Variants in KATNAL1 observed in about 807,000 individuals in gnomAD.
The protein encoded by KATNAL1 is katanin catalytic subunit A1 like 1.
Under a neutral mutation model 55.2 loss-of-function variants are expected in KATNAL1, and 32 were observed. The ratio of observed to expected loss-of-function variants is 0.58; its 90% confidence interval spans 0.44 to 0.78. The LOEUF is 0.78. Among genes scored for constraint, KATNAL1 ranks in the 30% least tolerant of loss-of-function variants. The pLI is 0.00. For synonymous variants in KATNAL1, 193 were observed against 193.6 expected (o/e 1.00, Z 0.02); for missense variants, 466 against 600.9 (o/e 0.78, Z 2.35).
intron 4 of KATNAL1, among the ~76,000 whole-genome samples, chr13:30,248,579 C>A (rs1463349171): frequency 6.6e-6 from 1 of 152,234 alleles, no homozygotes; most frequent in Non-Finnish European, 1.5e-5. Flanking sequence ...TAAATACACA[C>A]CACATGGCAA....
intron 9 of KATNAL1, among the ~76,000 whole-genome samples, chr13:30,223,258 T>G (rs1875080545): frequency 6.6e-6 from 1 of 150,594 alleles, no homozygotes; most frequent in Admixed American, 6.6e-5. Context: ...GCTAACACGG[T>G]GAAACTCCGT....
At chr13:30,268,559 G>C (rs1300567746) in intron 3 of KATNAL1, among the ~76,000 whole-genome samples, 1 of 151,910 alleles carries the variant, frequency 6.6e-6, no homozygotes, top group Non-Finnish European at 1.5e-5. Context: ...ACAACAAACA[G>C]ACTAATAACA....
intron 4 of KATNAL1, among the ~76,000 whole-genome samples, chr13:30,247,481 C>T (rs1877904816): frequency 6.6e-6 from 1 of 152,186 alleles, no homozygotes; most frequent in Non-Finnish European, 1.5e-5. Context: ...GAGGATATCG[C>T]AGTGAACCAA....
At chr13:30,288,634 T>C (rs1045874066) in intron 1 of KATNAL1, among the ~76,000 whole-genome samples, 26 of 152,246 alleles carry the variant, frequency 1.7e-4, no homozygotes, top group Admixed American at 5.2e-4. Context: ...TAAGAAATAC[T>C]ATTGAGTCTG....
intron 6 of KATNAL1, among the ~76,000 whole-genome samples, chr13:30,232,697 A>T (rs781639886): frequency 2.6e-5 from 4 of 152,176 alleles, no homozygotes; most frequent in Non-Finnish European, 4.4e-5. Flanking sequence ...GCAGCTGTTT[A>T]TAGCTACTGT....
rs1200724968 is a variant in KATNAL1, at chr13:30,210,685, T to A, written c.1148-243A>T. 12 of 285,040 alleles carry A rather than the reference T, an allele frequency of 4.2e-5. No individual in the cohort carries two copies. In the East Asian group the frequency reaches 4.8e-4, roughly 11 times the overall value. The allele number at this position is 285,040 out of a possible 1,614,324, so 17.7% of individuals were successfully genotyped here. The stretch of plus-strand genomic sequence containing the variant: ...AAAAAAAAAAACACCAAAAACCACC[T>A]AGGTTTTCTTTAAAGACTGTGAAGA... On this transcript the variant is annotated intron_variant, in intron 9 of 10. Transcript: ENST00000380615.
rs1309789728 is a variant in KATNAL1, at chr13:30,255,631, AAAAAAAAATT to A, written c.324-26_324-17del. 9.2e-6 allele frequency: 13 copies of A among 1,418,640 alleles called. No individual in the cohort carries two copies. The highest frequency in any genetic ancestry group is 2.7e-5 in the Admixed American group (1 of 37,486). 87.9% of individuals were successfully genotyped at this position (1,418,640 alleles called of 1,614,324 possible). ...AGGTGGAGCTCTGACAAAAAAAAAA[AAAAAAAAATT>A]AAAATTAAAATTAAAATTAATCAAA... On this transcript the variant is annotated splice_polypyrimidine_tract_variant and intron_variant, in intron 3 of 10. Transcript: ENST00000380615.
chr13:30,246,782 C>CAT (rs140746797), intron 4 of KATNAL1, among the ~76,000 whole-genome samples: 2,011 of 152,216 alleles, frequency 0.013, 36 homozygotes, highest in African/African-American at 0.045. Flanking sequence ...GGCCAACAAA[C>CAT]ATGAAAAAAG....
chr13:30,220,989 A>C (rs1214297108), intron 9 of KATNAL1, among the ~76,000 whole-genome samples: 1 of 152,174 alleles, frequency 6.6e-6, no homozygotes, highest in East Asian at 1.9e-4. Flanking sequence ...GTGAGCAACA[A>C]CACCCAGCGA....
At chr13:30,298,870 A>G (rs1454392373) in intron 1 of KATNAL1, among the ~76,000 whole-genome samples, 1 of 152,176 alleles carries the variant, frequency 6.6e-6, no homozygotes, top group African/African-American at 2.4e-5. Context: ...ATGTATGTCT[A>G]TTATGAATTC....
chr13:30,210,543 AAAGAAGAGTC>A, intron 9 of KATNAL1, 101 bp from the exon 10 acceptor site: 1 of 1,003,078 alleles, frequency 1.0e-6, no homozygotes, highest in Non-Finnish European at 1.5e-6. Context: ...AGGCCAATGC[AAAGAAGAGTC>A]AATAACTGTG....
At chr13:30,253,135 T>C (rs1453673703) in intron 4 of KATNAL1, among the ~76,000 whole-genome samples, 1 of 152,196 alleles carries the variant, frequency 6.6e-6, no homozygotes, top group African/African-American at 2.4e-5. Flanking sequence ...CAGCCTTCAG[T>C]GAGTTTCAGG....
chr13:30,245,131 T>C (rs898610185), intron 4 of KATNAL1, among the ~76,000 whole-genome samples: 2 of 151,996 alleles, frequency 1.3e-5, no homozygotes, highest in African/African-American at 4.8e-5. Flanking sequence ...ATATTCCCGA[T>C]GAACATCAAA....
At chr13:30,234,096 G>A (rs1324600304) in intron 6 of KATNAL1, among the ~76,000 whole-genome samples, 1 of 152,120 alleles carries the variant, frequency 6.6e-6, no homozygotes, top group Non-Finnish European at 1.5e-5. Context: ...TGTTAAAGGT[G>A]GTGGATATCC....
At chr13:30,300,163 G>A (rs1373663748) in intron 1 of KATNAL1, among the ~76,000 whole-genome samples, 1 of 152,132 alleles carries the variant, frequency 6.6e-6, no homozygotes, top group Non-Finnish European at 1.5e-5. Context: ...TGTCTCCACA[G>A]TAATGGTTTT....
At chr13:30,264,148 G>A (rs1879545825) in intron 3 of KATNAL1, among the ~76,000 whole-genome samples, 10 of 151,416 alleles carry the variant, frequency 6.6e-5, no homozygotes, top group Admixed American at 6.6e-4. Flanking sequence ...TTTAATAAAT[G>A]GTGCTGGGAA....
chr13:30,230,594 C>A lies in KATNAL1; in HGVS notation c.886G>T (p.Ala296Ser). Residue 296 changes from alanine to serine, a missense_variant and splice_region_variant, in exon 8 of 11, where the codon GCT becomes TCT. Physicochemically the swap from Ala to Ser is moderately conservative, Grantham distance 99 (BLOSUM62 1). Around this residue, in one of 3 missense-constraint regions of KATNAL1, gnomAD observed 213 missense variants for 308.6 expected, o/e 0.69. Transcript: ENST00000380615. ...ATCGTGGTAGGGGCATAAAATCTAG[C>A]CTTTATGAAAATATTTTAAAGAAAT... Reference protein sequence around the residue: ...EKLVRLLFEMARFYAPTTIFI... With the variant: ...EKLVRLLFEMSRFYAPTTIFI... 1.3e-6 allele frequency: 2 copies of A among 1,583,584 alleles called. No homozygotes were observed. Among genetic ancestry groups the A allele is most frequent in the Admixed American group, 1.8e-5 (1 of 54,764 alleles).
rs556943350 is a variant in KATNAL1, at chr13:30,270,264, C to G, written c.323+9799G>C. Among the ~76,000 whole-genome samples the G allele has an allele frequency of 1.3e-3, 190 of 141,328 alleles. 2 individuals carry two copies. The highest frequency in any genetic ancestry group is 4.6e-3 in the African/African-American group (183 of 39,944). The allele number at this position is 141,328 out of a possible 152,430, so 92.7% of individuals were successfully genotyped here. On this transcript the variant is annotated intron_variant, in intron 3 of 10. Transcript: ENST00000380615. ...GGAGGGAGGTTGGGGGGTCAGCCCC[C>G]CCGCCCGGCCAGCCACCCCGTCCAG...
Position 30,282,034 on chromosome 13 carries a change from TAAA to T in KATNAL1, c.162+1579_162+1581del, listed in dbSNP as rs57103799. On this transcript the variant is annotated intron_variant, in intron 2 of 10. Coordinates refer to ENST00000380615, the MANE Select transcript of KATNAL1 (RefSeq NM_032116.5). ...ATATATTGCTTATAAGTATTATTTG[TAAA>T]AAAAAAAAAAATTCTTTTTTAAAAG... Among the ~76,000 whole-genome samples, 1,154 of 149,256 alleles carry T rather than the reference TAAA, an allele frequency of 7.7e-3. 18 individuals are homozygous for T. Among genetic ancestry groups the T allele is most frequent in the African/African-American group, 0.025 (1,044 of 41,246 alleles).
Sources: allele counts gnomAD v4.1 joint callset (sites outside exome capture counted in the v4.1 genomes callset), GRCh38; gene constraint gnomAD v4.1.1; regional missense constraint gnomAD v4.1.1; transcripts MANE v1.5; gene names NCBI Gene and HGNC (gene_info 2026-07-23, HGNC 2026-07-21).